Variants in ERCC1 observed in about 807,000 individuals in gnomAD.
ERCC1 encodes ERCC excision repair 1, endonuclease non-catalytic subunit.
ERCC1 carries 36 observed loss-of-function variants against 37.6 expected under a neutral mutation model. That is an observed-to-expected ratio of 0.96 (90% CI 0.73 to 1.26). The LOEUF (loss-of-function observed/expected upper bound fraction) is 1.26, where lower values mean the gene tolerates loss of function less well. Ranked by LOEUF, ERCC1 falls within the 50% of genes most tolerant of loss-of-function variation. The pLI is 0.00. For synonymous variants in ERCC1, 156 were observed against 162.1 expected, an observed-to-expected ratio of 0.96 and a Z score of 0.28; for missense variants, 349 against 376.5, an observed-to-expected ratio of 0.93 and a Z score of 0.60.
intron 1 of ERCC1, among the ~76,000 whole-genome samples, chr19:45,434,068 CGAGAGGCA>C (rs1355533975): frequency 6.8e-6 from 1 of 147,634 alleles, no homozygotes; most frequent in Non-Finnish European, 1.5e-5. Context: ...CACTTGAACC[CGAGAGGCA>C]GAGGTTGCAG....
intron 6 of ERCC1, among the ~76,000 whole-genome samples, chr19:45,415,634 T>A: frequency 3.9e-5 from 2 of 51,538 alleles, no homozygotes; most frequent in Admixed American, 3.0e-4. Flanking sequence ...AGACTCCGTC[T>A]CAAAAAAAAA....
chr19:45,419,016 A>T (rs934930873), intron 5 of ERCC1, 82 bp downstream of exon 5: 34 of 936,440 alleles, frequency 3.6e-5, no homozygotes, highest in Non-Finnish European at 4.9e-5. Flanking sequence ...TTTTAGCTGC[A>T]TTTCCTCTTG....
Position 45,423,257 on chromosome 19 carries a change from C to G in ERCC1, c.105+13G>C, listed in dbSNP as rs766631599. 2 of 1,610,882 alleles carry G rather than the reference C, an allele frequency of 1.2e-6. No individual in the cohort carries two copies. The highest frequency in any genetic ancestry group is 1.7e-6 in the Non-Finnish European group (2 of 1,178,756). ...CCCCAGCCTCCCAGGGGCCCCGCATCTCCTTGTCCTACCACTCCAGGAGGG... is the reference window on the plus strand; with the variant it reads ...CCCCAGCCTCCCAGGGGCCCCGCATGTCCTTGTCCTACCACTCCAGGAGGG... On this transcript the variant is annotated intron_variant, in intron 2 of 9. Coordinates refer to ENST00000300853, the MANE Select transcript of ERCC1 (RefSeq NM_001983.4).
At chr19:45,448,135 G>A (rs981011099) in intron 1 of ERCC1, among the ~76,000 whole-genome samples, 1 of 152,176 alleles carries the variant, frequency 6.6e-6, no homozygotes, top group Admixed American at 6.6e-5. Context: ...GCCTCCCAAA[G>A]TGTTGGGATT....
chr19:45,439,716 T>C (rs1383728267), intron 1 of ERCC1, among the ~76,000 whole-genome samples: 1 of 151,964 alleles, frequency 6.6e-6, no homozygotes, highest in Non-Finnish European at 1.5e-5. Flanking sequence ...TTCTGCGCCC[T>C]GCCGGCTCGC....
At chr19:45,426,373 T>G (rs1974691163), upstream of ERCC1, among the ~76,000 whole-genome samples, 1 of 77,864 alleles carries the variant, frequency 1.3e-5, no homozygotes, top group Non-Finnish European at 2.1e-5. Flanking sequence ...AGCCAGACTC[T>G]GTCTCAAAAA....
intron 1 of ERCC1, among the ~76,000 whole-genome samples, chr19:45,451,535 C>T (rs1408058479): frequency 6.6e-6 from 1 of 152,144 alleles, no homozygotes; most frequent in Non-Finnish European, 1.5e-5. Context: ...ATCCTGTGTC[C>T]GGGAAGCTGT....
In ERCC1 at chr19:45,446,870, C is replaced by T. The variant is rs1259785174; in HGVS notation, c.-7-23489G>A. 4.6e-5 allele frequency among the ~76,000 whole-genome samples: 7 copies of T among 152,264 alleles called. No individual in the cohort carries two copies. In the East Asian group the frequency reaches 5.8e-4, roughly 13 times the overall value. On this transcript the variant is annotated intron_variant, in intron 1 of 8. Coordinates refer to the ERCC1 transcript ENST00000423698. ...AAAATTAGCTGAGCGCAGTGGCAGGCGCCTGTAATCTCAGCTACTCAGGAG... is the reference window on the plus strand; with the variant it reads ...AAAATTAGCTGAGCGCAGTGGCAGGTGCCTGTAATCTCAGCTACTCAGGAG...
At chr19:45,417,548 G>A (rs576933913) in intron 5 of ERCC1, among the ~76,000 whole-genome samples, 5 of 152,226 alleles carry the variant, frequency 3.3e-5, no homozygotes, top group South Asian at 2.1e-4. Flanking sequence ...CGCTCCCTAC[G>A]GGAGAGAGGA....
At chr19:45,450,287 A>C in intron 1 of ERCC1, among the ~76,000 whole-genome samples, 1 of 151,784 alleles carries the variant, frequency 6.6e-6, no homozygotes, top group Non-Finnish European at 1.5e-5. Flanking sequence ...ATCTCCAAAC[A>C]CTCTAGTTGA....
At chr19:45,416,103 C>T (rs776424409) in intron 6 of ERCC1, among the ~76,000 whole-genome samples, 3 of 152,042 alleles carry the variant, frequency 2.0e-5, no homozygotes, top group Non-Finnish European at 4.4e-5. Flanking sequence ...CCACTGCACT[C>T]CAGCCTCAGC....
intron 3 of ERCC1, 26 bp downstream of exon 3, chr19:45,421,152 C>T (rs2123519664): frequency 5.6e-6 from 9 of 1,603,906 alleles, no homozygotes; most frequent in Non-Finnish European, 7.7e-6. Flanking sequence ...AACCTCAAGG[C>T]CTCACTTCTC....
At chr19:45,436,655 G>C (rs1219939272) in intron 1 of ERCC1, 1 of 152,412 alleles carries the variant, frequency 6.6e-6, no homozygotes, top group Non-Finnish European at 1.5e-5. Context: ...TAGTTTTGTA[G>C]AGATGAAGCG....
At position 45,413,031 on chromosome 19, in the gene ERCC1, G is replaced by A. The variant is rs372936417; in HGVS notation, c.843+646C>T. ...GCTGGGATTACAGGCCCAAGCCACC[G>A]CACCTGGCTTAGAAGCTTTTTAATT... On this transcript the variant is annotated intron_variant, in intron 9 of 9. Transcript: ENST00000300853. Among the ~76,000 whole-genome samples the A allele has an allele frequency of 2.7e-4, 41 of 152,144 alleles. No homozygotes were observed. In the South Asian group the frequency reaches 6.0e-3, roughly 22 times the overall value.
chr19:45,445,317 A>C (rs902722904), intron 1 of ERCC1, among the ~76,000 whole-genome samples: 25 of 152,184 alleles, frequency 1.6e-4, no homozygotes, highest in African/African-American at 5.5e-4. Context: ...CACCTGCCCC[A>C]ATCAACAGGT....
At chr19:45,440,072 G>A (rs1392904371) in intron 1 of ERCC1, among the ~76,000 whole-genome samples, 1 of 151,984 alleles carries the variant, frequency 6.6e-6, no homozygotes, top group Non-Finnish European at 1.5e-5. Flanking sequence ...AGGCGCCGCT[G>A]TCCCCAGCGC....
At chr19:45,421,509 AC>A in intron 2 of ERCC1, 116 bp from the exon 3 acceptor site, 1 of 719,216 alleles carries the variant, frequency 1.4e-6, no homozygotes, top group Non-Finnish European at 2.2e-6. Flanking sequence ...TTGCTCTGTC[AC>A]CCAGACTGGA....
chr19:45,435,380 A>C (rs1173286855), intron 1 of ERCC1, among the ~76,000 whole-genome samples: 2 of 152,232 alleles, frequency 1.3e-5, no homozygotes, highest in East Asian at 3.8e-4. Flanking sequence ...ATCCAAGGCC[A>C]CATAGCAGGT....
intron 6 of ERCC1, among the ~76,000 whole-genome samples, chr19:45,415,503 G>A (rs3212971): frequency 0.17 from 26,354 of 151,054 alleles, 2,559 homozygotes; most frequent in East Asian, 0.43. Flanking sequence ...GGGCGTGGTA[G>A]CGGGCGCCTG....
Sources: gnomAD v4.1 joint callset for allele counts (sites outside exome capture counted in the v4.1 genomes callset) on GRCh38, gnomAD v4.1.1 for gene constraint, MANE v1.5 for transcripts, NCBI Gene and HGNC (gene_info 2026-07-23, HGNC 2026-07-21) for gene names.